NKAIN3: variants seen among roughly 807,000 people sequenced by gnomAD.
The protein encoded by NKAIN3 is sodium/potassium transporting ATPase interacting 3.
Under a neutral mutation model 30.2 loss-of-function variants are expected in NKAIN3, and 25 were observed. The ratio of observed to expected loss-of-function variants is 0.83; its 90% CI spans 0.60 to 1.16. The LOEUF is 1.16. Among genes scored for constraint, NKAIN3 ranks in the 50% most tolerant of loss-of-function variants. The pLI, the probability that NKAIN3 is intolerant of heterozygous loss-of-function variation, is 0.00. For synonymous variants in NKAIN3, 91 were observed against 89.6 expected (o/e 1.02, Z -0.09); for missense variants, 225 against 254.1 (o/e 0.89, Z 0.78).
At chr8:62,701,458 A>G (rs1814329497) in intron 3 of NKAIN3, among the ~76,000 whole-genome samples, 1 of 152,198 alleles carries the variant, frequency 6.6e-6, no homozygotes, top group Admixed American at 6.5e-5. Flanking sequence ...CCTTAAAATG[A>G]CCAGACAGCT....
intron 4 of NKAIN3, among the ~76,000 whole-genome samples, chr8:62,809,745 G>C (rs1005795190): frequency 6.6e-6 from 1 of 152,160 alleles, no homozygotes; most frequent in Non-Finnish European, 1.5e-5. Flanking sequence ...TTAGGAAACT[G>C]TTTTAATATC....
intron 3 of NKAIN3, among the ~76,000 whole-genome samples, chr8:62,609,398 A>T (rs1427409227): frequency 6.6e-6 from 1 of 152,154 alleles, no homozygotes; most frequent in Admixed American, 6.5e-5. Context: ...TGTTAGATAC[A>T]ATCTTTTCAG....
At chr8:62,875,695 G>T (rs938206278) in intron 4 of NKAIN3, among the ~76,000 whole-genome samples, 1 of 152,016 alleles carries the variant, frequency 6.6e-6, no homozygotes, top group South Asian at 2.1e-4. Context: ...TCTGATCTTC[G>T]ACAAACTTGA....
Position 62,520,289 on chromosome 8 carries a change from A to G in NKAIN3, c.55-59250A>G, listed in dbSNP as rs1315636869. 3.9e-5 allele frequency among the ~76,000 whole-genome samples: 6 copies of G among 152,116 alleles called. No individual in the cohort carries two copies. In the East Asian group the frequency reaches 1.2e-3, roughly 29 times the overall value. ...GTGTCAGATTTATGATACTTAGGGA[A>G]GTATAATAAAAGATTTTCCACCGAT... On this transcript the variant is annotated intron_variant, in intron 1 of 6. Transcript: ENST00000623646.
At chr8:62,439,621 T>C (rs1367120948) in intron 1 of NKAIN3, among the ~76,000 whole-genome samples, 1 of 152,214 alleles carries the variant, frequency 6.6e-6, no homozygotes, top group Non-Finnish European at 1.5e-5. Context: ...CAACACTCCA[T>C]CCAATCTAAT....
intron 1 of NKAIN3, among the ~76,000 whole-genome samples, chr8:62,565,329 T>C (rs2129994725): frequency 6.6e-6 from 1 of 151,606 alleles, no homozygotes; most frequent in Non-Finnish European, 1.5e-5. Flanking sequence ...CCAATATATA[T>C]GTATGTGCAT....
intron 5 of NKAIN3, among the ~76,000 whole-genome samples, chr8:62,922,941 G>A (rs893581348): frequency 6.6e-6 from 1 of 152,066 alleles, no homozygotes; most frequent in African/African-American, 2.4e-5. Flanking sequence ...TAGAATCTTT[G>A]TTTTGCTCCC....
chr8:62,320,259 G>A (rs565381702), intron 1 of NKAIN3, among the ~76,000 whole-genome samples: 47 of 152,084 alleles, frequency 3.1e-4, no homozygotes, highest in South Asian at 8.3e-4. Flanking sequence ...TGAATACAGC[G>A]CACTGATGGG....
chr8:62,578,456 AT>A (rs1273319199), intron 1 of NKAIN3, among the ~76,000 whole-genome samples: 16 of 151,936 alleles, frequency 1.1e-4, no homozygotes, highest in African/African-American at 3.9e-4. Context: ...TATGATCTCA[AT>A]AAAATGTGAT....
chr8:62,609,308 AAGTAAAGTG>A (rs1811217377), intron 3 of NKAIN3, among the ~76,000 whole-genome samples: 2 of 152,216 alleles, frequency 1.3e-5, no homozygotes, highest in Admixed American at 1.3e-4. Context: ...TTTGTCAGGT[AAGTAAAGTG>A]AGAAATAATG....
At chr8:62,704,375 A>G (rs903234979) in intron 3 of NKAIN3, among the ~76,000 whole-genome samples, 4 of 152,160 alleles carry the variant, frequency 2.6e-5, no homozygotes, top group African/African-American at 4.8e-5. Context: ...TTCTGCAGAT[A>G]TGAACAATAG....
rs372230234 is a variant in NKAIN3 at position 62,577,450 on chromosome 8, TG to T, written c.55-2086del. Among the ~76,000 whole-genome samples the T allele has an allele frequency of 7.2e-4, 103 of 143,894 alleles. 1 individual carries two copies. In the Middle Eastern group the frequency reaches 0.021, roughly 30 times the overall value. 94.4% of individuals were successfully genotyped at this position (143,894 alleles called of 152,430 possible). On this transcript the variant is annotated intron_variant, in intron 1 of 6. Coordinates refer to ENST00000623646, the MANE Select transcript of NKAIN3 (RefSeq NM_001304533.3). ...CATGCACAACTGCTTTAAAATAGCG[TG>T]GGTGTTTTTTTGTTGTTTTTTTTTT...
intron 4 of NKAIN3, among the ~76,000 whole-genome samples, chr8:62,765,259 A>G (rs1233113665): frequency 6.7e-6 from 1 of 148,296 alleles, no homozygotes; most frequent in African/African-American, 2.5e-5. Context: ...AAAAAAAAAA[A>G]AAAAAAAGAA....
At chr8:62,863,907 C>A (rs1222535303) in intron 4 of NKAIN3, 1 of 1,307,658 alleles carries the variant, frequency 7.6e-7, no homozygotes, top group African/African-American at 1.5e-5. Context: ...GATCCAGGAT[C>A]TCCTCCTTTG....
At chr8:62,630,553 G>A (rs888619040) in intron 3 of NKAIN3, among the ~76,000 whole-genome samples, 3 of 152,040 alleles carry the variant, frequency 2.0e-5, no homozygotes, top group African/African-American at 4.8e-5. Flanking sequence ...TCAGCAAATC[G>A]CCAAAACGTG....
At chr8:62,351,810 A>C (rs1816189635) in intron 1 of NKAIN3, among the ~76,000 whole-genome samples, 1 of 152,140 alleles carries the variant, frequency 6.6e-6, no homozygotes, top group African/African-American at 2.4e-5. Context: ...ATTACCTTTC[A>C]GTTTTCTGGA....
intron 4 of NKAIN3, among the ~76,000 whole-genome samples, chr8:62,815,116 C>T (rs999460919): frequency 2.0e-5 from 3 of 152,094 alleles, no homozygotes; most frequent in Non-Finnish European, 2.9e-5. Context: ...ACTAGAAAAT[C>T]TAGAAGAAAT....
chr8:62,860,778 C>T (rs947956867), intron 4 of NKAIN3, among the ~76,000 whole-genome samples: 2 of 152,208 alleles, frequency 1.3e-5, no homozygotes, highest in Admixed American at 1.3e-4. Flanking sequence ...GCAGTTGTTC[C>T]TGACAACTTG....
chr8:62,419,183 A>C (rs1446749360), intron 1 of NKAIN3, among the ~76,000 whole-genome samples: 1 of 152,162 alleles, frequency 6.6e-6, no homozygotes, highest in African/African-American at 2.4e-5. Flanking sequence ...CAGAGTACTC[A>C]TTTTAAGCTT....
Sources: allele counts gnomAD v4.1 joint callset (sites outside exome capture counted in the v4.1 genomes callset), GRCh38; gene constraint gnomAD v4.1.1; transcripts MANE v1.5; gene names NCBI Gene and HGNC (gene_info 2026-07-23, HGNC 2026-07-21).